Variants in ANXA6 observed in about 807,000 individuals in gnomAD.
ANXA6 encodes the protein 67 kDa calelectrin.
In ANXA6, 71 loss-of-function variants were observed where a neutral mutation model predicts 95.4. The ratio of observed to expected loss-of-function variants is 0.74; its 90% CI spans 0.61 to 0.91. ANXA6 has a LOEUF of 0.91. ANXA6 is among the 40% of genes least tolerant of loss of function. The pLI is 0.00. For synonymous variants in ANXA6, 289 were observed against 315.9 expected, an observed-to-expected ratio of 0.91 and a Z score of 0.90; for missense variants, 830 against 876.4, an observed-to-expected ratio of 0.95 and a Z score of 0.67.
At chr5:151,112,997 T>C (rs1196503674) in intron 20 of ANXA6, among the ~76,000 whole-genome samples, 1 of 152,160 alleles carries the variant, frequency 6.6e-6, no homozygotes, top group Non-Finnish European at 1.5e-5. Flanking sequence ...GGAGTGACTG[T>C]TGAGTGGGTC....
At chr5:151,109,909 T>C in intron 21 of ANXA6, 63 bp from the exon 22 acceptor site, 8 of 1,270,920 alleles carry the variant, frequency 6.3e-6, no homozygotes, top group Non-Finnish European at 7.8e-6. Context: ...TTGGTTATTA[T>C]TCACTTTCAT....
rs1205195828 is a variant in ANXA6 at position 151,131,293 on chromosome 5, T to C, written c.737-4A>G. 23 of 1,613,810 alleles carry C rather than the reference T, an allele frequency of 1.4e-5. No homozygotes were observed. The highest frequency in any genetic ancestry group is 1.9e-5 in the Non-Finnish European group (23 of 1,179,862). On this transcript the variant is annotated splice_polypyrimidine_tract_variant and splice_region_variant and intron_variant, in intron 10 of 25. Transcript: ENST00000354546. ...GGGGTGCTCCGGATACACTTCACTGTGAAGAGGGAGGAAGAGGTAGAGTTA... is the reference window on the plus strand; with the variant it reads ...GGGGTGCTCCGGATACACTTCACTGCGAAGAGGGAGGAAGAGGTAGAGTTA...
At position 151,119,393 on chromosome 5, in the gene ANXA6, G is replaced by A. The variant is rs1406659770; in HGVS notation, c.1348-3C>T. On this transcript the variant is annotated splice_polypyrimidine_tract_variant and splice_region_variant and intron_variant, in intron 17 of 25. Transcript: ENST00000354546. Reference sequence around the variant, plus strand: ...GCCTTTTCATCTGTGCCGGCTCCCTGGAATGTCAAGGCAAAGATGATCTCA... The same window carrying A: ...GCCTTTTCATCTGTGCCGGCTCCCTAGAATGTCAAGGCAAAGATGATCTCA... The A allele has an allele frequency of 6.2e-6, 10 of 1,613,392 alleles. No homozygotes were observed. The highest frequency in any genetic ancestry group is 8.5e-6 in the Non-Finnish European group (10 of 1,179,468).
At chr5:151,120,754 TTC>T (rs1229833414) in intron 17 of ANXA6, among the ~76,000 whole-genome samples, 1 of 152,104 alleles carries the variant, frequency 6.6e-6, no homozygotes, top group African/African-American at 2.4e-5. Flanking sequence ...GCAAGACATG[TTC>T]TCTGTCCTCA....
Position 151,131,281 on chromosome 5 carries a change from T to A in ANXA6, c.745A>T (p.Ile249Phe). The change falls in exon 11 of 26, where the codon ATC (isoleucine) becomes TTC (phenylalanine). Residue 249 changes from isoleucine to phenylalanine, a missense_variant. By Grantham distance (21) the Ile-to-Phe change is conservative. Coordinates refer to ENST00000354546, the MANE Select transcript of ANXA6 (RefSeq NM_001155.5). ...EKLMLAVVKC[I>F]RSTPEYFAER... Reference sequence around the variant, plus strand: ...GCAAAATATTCCGGGGTGCTCCGGATACACTTCACTGTGAAGAGGGAGGAA... The same window carrying A: ...GCAAAATATTCCGGGGTGCTCCGGAAACACTTCACTGTGAAGAGGGAGGAA... The A allele has an allele frequency of 1.9e-6, 3 of 1,613,966 alleles. No individual in the cohort carries two copies. The South Asian group carries it at 3.3e-5, about 18-fold the overall frequency.
intron 13 of ANXA6, among the ~76,000 whole-genome samples, chr5:151,127,230 G>A (rs1322093225): frequency 1.3e-5 from 2 of 152,222 alleles, no homozygotes; most frequent in Non-Finnish European, 2.9e-5. Flanking sequence ...AGTAATATCT[G>A]CTGAACTGCA....
chr5:151,132,962 C>T, intron 9 of ANXA6, 132 bp downstream of exon 9: 4 of 723,364 alleles, frequency 5.5e-6, no homozygotes, highest in Non-Finnish European at 9.1e-6. Flanking sequence ...CTAATAAACT[C>T]AGGACTAAAG....
At chr5:151,115,215 A>G (rs968415365) in intron 20 of ANXA6, among the ~76,000 whole-genome samples, 1 of 152,238 alleles carries the variant, frequency 6.6e-6, no homozygotes, top group African/African-American at 2.4e-5. Context: ...ATATACATAG[A>G]GAAGCAACTA....
chr5:151,103,649 G>C lies in ANXA6; in HGVS notation c.1883C>G (p.Ser628Cys). ...DEKTLTRIMV[S>C]RSEIDLLNIR... ...GTTGAGCAGGTCAATCTCACTGCGG[G>C]ATACCATGATCCTGGTCAGAGTCTT... Residue 628 changes from serine to cysteine, a missense_variant, in exon 25 of 26, where the codon TCC becomes TGC. Transcript: ENST00000354546. 6.2e-7 allele frequency: 1 copy of C among 1,611,182 alleles called. No homozygotes were observed. The highest frequency in any genetic ancestry group is 8.5e-7 in the Non-Finnish European group (1 of 1,178,722).
intron 13 of ANXA6, among the ~76,000 whole-genome samples, chr5:151,126,793 T>A (rs1371381735): frequency 1.3e-5 from 2 of 152,192 alleles, no homozygotes; most frequent in African/African-American, 4.8e-5. Context: ...CTCAGCTCAC[T>A]GCAACCTCTG....
At chr5:151,154,055 A>G (rs893374705) in intron 1 of ANXA6, among the ~76,000 whole-genome samples, 1 of 152,094 alleles carries the variant, frequency 6.6e-6, no homozygotes, top group African/African-American at 2.4e-5. Flanking sequence ...TTGGTTTTCA[A>G]ACTGTGCTTT....
rs76506773 is a variant in ANXA6 at position 151,126,331 on chromosome 5, C to A, written c.1056+71G>T. 9.9e-3 allele frequency: 13,698 copies of A among 1,388,706 alleles called. 83 individuals carry two copies. The highest frequency in any genetic ancestry group is 0.012 in the Non-Finnish European group (11,732 of 996,834). The allele number at this position is 1,388,706 out of a possible 1,614,324, so 86.0% of individuals were successfully genotyped here. On this transcript the variant is annotated intron_variant, in intron 14 of 25. Transcript: ENST00000354546. ...CGCCAGGGGGCAGCTGGGTGCCAAC[C>A]AGAGCAGCAGGAAGGTGCAAGCAGA... is the stretch of plus-strand genomic sequence containing the variant.
intron 22 of ANXA6, among the ~76,000 whole-genome samples, 200 bp from the exon 23 acceptor site, chr5:151,108,750 C>T (rs1764768234): frequency 6.6e-6 from 1 of 152,252 alleles, no homozygotes; most frequent in Non-Finnish European, 1.5e-5. Flanking sequence ...CTGCCGTGGG[C>T]TCAGAGCCAA....
intron 14 of ANXA6, among the ~76,000 whole-genome samples, chr5:151,125,137 G>A (rs561383543): frequency 2.0e-4 from 31 of 152,184 alleles, no homozygotes; most frequent in African/African-American, 7.0e-4. Context: ...CAGGAGGATC[G>A]CTTGAGCCCA....
chr5:151,113,172 A>G (rs975108350), intron 20 of ANXA6, among the ~76,000 whole-genome samples: 2 of 152,166 alleles, frequency 1.3e-5, no homozygotes, highest in Admixed American at 6.5e-5. Context: ...AGGCTGAGGC[A>G]GGTTGATCAC....
At chr5:151,108,652 G>T in intron 22 of ANXA6, 102 bp from the exon 23 acceptor site, 2 of 972,950 alleles carry the variant, frequency 2.1e-6, no homozygotes. Context: ...CTGTGCCTGA[G>T]AAAGTGGAAG....
At chr5:151,136,037 G>A (rs536413866) in intron 7 of ANXA6, among the ~76,000 whole-genome samples, 6 of 152,326 alleles carry the variant, frequency 3.9e-5, no homozygotes, top group African/African-American at 1.4e-4. Context: ...CCAGAGAGGA[G>A]CGGGAGGAGC....
chr5:151,122,039 GGGA>G (rs759913525), intron 17 of ANXA6, 105 bp downstream of exon 17: 32 of 621,544 alleles, frequency 5.1e-5, no homozygotes, highest in Non-Finnish European at 8.6e-5. Flanking sequence ...AACTGAGTAT[GGGA>G]GGAGTTCTAC....
chr5:151,107,135 GTAAC>G (rs1232812061), intron 23 of ANXA6, among the ~76,000 whole-genome samples: 1 of 152,222 alleles, frequency 6.6e-6, no homozygotes, highest in Non-Finnish European at 1.5e-5. Flanking sequence ...TGATGAGAAT[GTAAC>G]TAAACCTGCG....
Sources: gnomAD v4.1 joint callset for allele counts (sites outside exome capture counted in the v4.1 genomes callset) on GRCh38, gnomAD v4.1.1 for gene constraint, MANE v1.5 for transcripts, NCBI Gene and HGNC (gene_info 2026-07-23, HGNC 2026-07-21) for gene names.